The following ENKUR variants were observed in gnomAD, a reference collection of about 807,000 sequenced individuals.
The protein encoded by ENKUR is enkurin.
A neutral mutation model predicts 27.6 loss-of-function variants in ENKUR; 19 were observed. The ratio of observed to expected loss-of-function variants is 0.69; its 90% CI spans 0.48 to 1.01. ENKUR has a LOEUF of 1.01. Among genes scored for constraint, ENKUR ranks in the 50% least tolerant of loss-of-function variants. The pLI is 0.00. For synonymous variants in ENKUR, 117 were observed against 96.9 expected (o/e 1.21, Z -1.22); for missense variants, 312 against 310.5 (o/e 1.00, Z -0.04).
At chr10:25,046,358 C>T (rs1450768895) in intron 2 of ENKUR, among the ~76,000 whole-genome samples, 1 of 152,180 alleles carries the variant, frequency 6.6e-6, no homozygotes, top group Non-Finnish European at 1.5e-5. Context: ...CGCATTATGT[C>T]AATCATCAGA....
At chr10:25,025,435 G>C in intron 2 of ENKUR, 1 of 1,602,958 alleles carries the variant, frequency 6.2e-7, no homozygotes, top group East Asian at 2.2e-5. Flanking sequence ...GGAACAACTT[G>C]TCCAAAATCA....
At chr10:25,061,001 A>G in intron 2 of ENKUR, 1 of 1,031,684 alleles carries the variant, frequency 9.7e-7, no homozygotes, top group Non-Finnish European at 1.4e-6. Context: ...GGCAAGAGCC[A>G]CTGGGCCTGG....
At chr10:25,050,332 A>T (rs1203643858) in intron 2 of ENKUR, among the ~76,000 whole-genome samples, 2 of 152,186 alleles carry the variant, frequency 1.3e-5, no homozygotes, top group African/African-American at 4.8e-5. Flanking sequence ...CATACGTAAG[A>T]CTGGGTAATT....
chr10:25,020,718 G>T (rs914365069), upstream of ENKUR, among the ~76,000 whole-genome samples: 1 of 150,658 alleles, frequency 6.6e-6, no homozygotes, highest in Admixed American at 6.7e-5. Context: ...TCCAGCCTGG[G>T]TGACAGTGGA....
chr10:25,021,271 G>C (rs1052992552), intron 2 of ENKUR, among the ~76,000 whole-genome samples: 1 of 152,164 alleles, frequency 6.6e-6, no homozygotes, highest in Non-Finnish European at 1.5e-5. Flanking sequence ...ATATAGCTAA[G>C]AGGTATCTTT....
chr10:25,019,158 A>G (rs910666141), upstream of ENKUR, among the ~76,000 whole-genome samples: 12 of 152,210 alleles, frequency 7.9e-5, no homozygotes, highest in Admixed American at 6.5e-4. Flanking sequence ...CTCAGATTCA[A>G]CTAATTACAG....
Position 24,982,721 on chromosome 10 carries a change from G to A in ENKUR, c.*1649C>T, listed in dbSNP as rs1350806966. On this transcript the variant is annotated 3_prime_UTR_variant, in exon 6 of 6. Coordinates refer to ENST00000331161, the MANE Select transcript of ENKUR (RefSeq NM_145010.4). ...TATCCAAGTTTGGGATCCCGTGGTA[G>A]GGATCACCTTTCCAGGAACAATGGA... is the stretch of plus-strand genomic sequence containing the variant. The A allele has an allele frequency of 6.6e-6, 1 of 152,192 alleles. No individual in the cohort carries two copies. 9.4% of individuals were successfully genotyped at this position (152,192 alleles called of 1,614,324 possible). A position where few individuals can be genotyped will look rare whatever the true frequency, so the allele number is the denominator to read the frequency against.
intron 1 of ENKUR, among the ~76,000 whole-genome samples, chr10:25,014,063 G>A (rs1013300887): frequency 6.6e-6 from 1 of 152,170 alleles, no homozygotes; most frequent in Non-Finnish European, 1.5e-5. Flanking sequence ...TTGACTCTGA[G>A]GCTTTCATAA....
chr10:25,049,783 CA>C (rs60646580), intron 2 of ENKUR, among the ~76,000 whole-genome samples: 6,874 of 68,996 alleles, frequency 0.1, 230 homozygotes, highest in African/African-American at 0.25. Context: ...GACTCCGTCT[CA>C]AAAAAAAAAA....
At chr10:25,024,127 C>T (rs1588674922) in intron 2 of ENKUR, 1 of 1,614,162 alleles carries the variant, frequency 6.2e-7, no homozygotes. Context: ...ATGTATCCAT[C>T]CTGCAGACAT....
intron 2 of ENKUR, among the ~76,000 whole-genome samples, chr10:25,030,431 A>G (rs1850921538): frequency 6.6e-6 from 1 of 152,146 alleles, no homozygotes; most frequent in African/African-American, 2.4e-5. Context: ...TTCCTCAGAA[A>G]TTTGAAGGTA....
intron 1 of ENKUR, among the ~76,000 whole-genome samples, chr10:25,003,470 G>A (rs1850241267): frequency 6.6e-6 from 1 of 152,210 alleles, no homozygotes; most frequent in South Asian, 2.1e-4. Flanking sequence ...GCCTTCCAAA[G>A]TGCTGGGATA....
chr10:24,993,612 C>G (rs1849975377), intron 3 of ENKUR, among the ~76,000 whole-genome samples: 1 of 152,218 alleles, frequency 6.6e-6, no homozygotes, highest in Non-Finnish European at 1.5e-5. Context: ...TTTACTATCT[C>G]ACCTACCAAT....
At chr10:25,023,782 A>G in intron 2 of ENKUR, 1 of 1,614,142 alleles carries the variant, frequency 6.2e-7, no homozygotes, top group Non-Finnish European at 8.5e-7. Context: ...AGACTTACTT[A>G]AATTTAGAAG....
chr10:25,033,401 C>CAAAAAAAAA lies in ENKUR; in HGVS notation c.37+27702_37+27710dup, dbSNP rs34472195. ...TCTGGGTGACAGAGGAAGACCTCGT[C>CAAAAAAAAA]AAAAAAAAAAAAAAAAAAAAAAAAA... On this transcript the variant is annotated intron_variant, in intron 2 of 5. Transcript: ENST00000615958. Among the ~76,000 whole-genome samples the CAAAAAAAAA allele has an allele frequency of 5.3e-4, 32 of 59,968 alleles. 2 individuals are homozygous for CAAAAAAAAA. Among genetic ancestry groups the CAAAAAAAAA allele is most frequent in the African/African-American group, 2.1e-3 (29 of 13,614 alleles). 39.3% of individuals were successfully genotyped at this position (59,968 alleles called of 152,430 possible).
intron 1 of ENKUR, among the ~76,000 whole-genome samples, chr10:25,009,829 A>G (rs1287218945): frequency 6.6e-6 from 1 of 152,250 alleles, no homozygotes; most frequent in Middle Eastern, 3.4e-3. Context: ...CCACTATGTA[A>G]GATGTGACTT....
At chr10:24,997,388 T>TC (rs1850087601) in intron 2 of ENKUR, among the ~76,000 whole-genome samples, 1 of 151,484 alleles carries the variant, frequency 6.6e-6, no homozygotes, top group African/African-American at 2.4e-5. Flanking sequence ...TTTTTTTTTT[T>TC]TTTTTCCTCT....
intron 2 of ENKUR, among the ~76,000 whole-genome samples, chr10:25,040,275 A>G (rs1342183541): frequency 1.3e-5 from 2 of 152,120 alleles, no homozygotes; most frequent in African/African-American, 4.8e-5. Flanking sequence ...CCTTGATAGA[A>G]GGAGTGGTGA....
Position 24,990,775 on chromosome 10 carries a change from C to A in ENKUR, c.448-166G>T, listed in dbSNP as rs556452431. Among the ~76,000 whole-genome samples the A allele has an allele frequency of 8.7e-4, 133 of 152,290 alleles. 4 individuals carry two copies. In the South Asian group the frequency reaches 0.027, roughly 31 times the overall value. On this transcript the variant is annotated intron_variant, in intron 3 of 5. Transcript: ENST00000331161. ...GTGACTTTTTTCCCTCCATTGAGAGCTAGTAGATTCCTGCCTTTTAAAATG... is the reference window on the plus strand; with the variant it reads ...GTGACTTTTTTCCCTCCATTGAGAGATAGTAGATTCCTGCCTTTTAAAATG...
Sources: allele counts gnomAD v4.1 joint callset (sites outside exome capture counted in the v4.1 genomes callset), GRCh38; gene constraint gnomAD v4.1.1; transcripts MANE v1.5; gene names NCBI Gene and HGNC (gene_info 2026-07-23, HGNC 2026-07-21).